Variants in LAX1 observed in about 807,000 individuals in gnomAD.
LAX1 encodes lymphocyte transmembrane adapter 1.
LAX1 carries 17 observed loss-of-function variants against 20.7 expected under a neutral mutation model. The observed-to-expected ratio is 0.82, with a 90% CI of 0.56 to 1.23. The LOEUF is 1.23. Ranked by LOEUF, LAX1 falls within the 50% of genes most tolerant of loss-of-function variation. The probability of loss-of-function intolerance (pLI) is 0.00; values close to 1 mark genes in which losing one functional copy is unlikely to be tolerated. For missense variants in LAX1, 470 were observed against 487.0 expected (o/e 0.97, Z 0.33); for synonymous variants, 165 against 181.0 (o/e 0.91, Z 0.71).
intron 1 of LAX1, chr1:203,769,773 C>CGGGGGGGGGGGGGGG (rs1311215813): frequency 8.2e-5 from 2 of 24,318 alleles, no homozygotes; most frequent in Non-Finnish European, 1.3e-4. Flanking sequence ...CAAATTGGTG[C>CGGGGGGGGGGGGGGG]GGGGGGGGGG....
chr1:203,765,643 C>T lies in LAX1; in HGVS notation c.78C>T (p.Arg26=), dbSNP rs1314210015. The T allele has an allele frequency of 8.1e-6, 13 of 1,614,080 alleles. No homozygotes were observed. Among genetic ancestry groups the T allele is most frequent in the South Asian group, 1.1e-5 (1 of 91,038 alleles). ...CCAGCACTCTGCATGTGACTCCCCG[C>T]AGCCTGGACAGGTGAGTGACTCAGG... is the stretch of plus-strand genomic sequence containing the variant. ...LESSTLHVTP[R]SLDRNKDQIT... Residue 26 remains arginine (R), a synonymous_variant, in exon 1 of 5, where the codon CGC becomes CGT. Coordinates refer to ENST00000442561, the MANE Select transcript of LAX1 (RefSeq NM_017773.4).
In LAX1 at chr1:203,774,185, G is replaced by A; in HGVS notation, c.701G>A (p.Gly234Asp). ...KLEFTEERDE[G>D]CGDAGDCTSL... ...GAGTTTACTGAGGAAAGAGATGAGG[G>A]CTGTGGAGATGCTGGTGACTGCACC... Residue 234 changes from glycine (G) to aspartate (D), a missense_variant, in exon 5 of 5, where the codon GGC becomes GAC. Physicochemically the swap from Gly to Asp is moderately conservative, Grantham distance 94 (BLOSUM62 -1). Coordinates refer to ENST00000442561, the MANE Select transcript of LAX1 (RefSeq NM_017773.4). The A allele has an allele frequency of 6.2e-7, 1 of 1,614,198 alleles. No homozygotes were observed. Among genetic ancestry groups the A allele is most frequent in the Non-Finnish European group, 8.5e-7 (1 of 1,180,044 alleles).
At chr1:203,773,811 G>T in intron 4 of LAX1, 64 bp from the exon 5 acceptor site, 4 of 235,340 alleles carry the variant, frequency 1.7e-5, no homozygotes, top group East Asian at 1.2e-4. Flanking sequence ...TATTTTCCAA[G>T]AAGAAAGGCT....
intron 1 of LAX1, among the ~76,000 whole-genome samples, chr1:203,768,275 C>T (rs942561293): frequency 1.1e-4 from 16 of 152,156 alleles, no homozygotes; most frequent in Admixed American, 5.9e-4. Context: ...CATGCCATTG[C>T]GCTCCAGCCT....
chr1:203,769,991 G>C (rs549248701), intron 1 of LAX1, among the ~76,000 whole-genome samples: 1 of 152,154 alleles, frequency 6.6e-6, no homozygotes, highest in African/African-American at 2.4e-5. Context: ...GTCTTTGGAC[G>C]CAAACAGACC....
At chr1:203,766,261 C>T (rs1667302824) in intron 1 of LAX1, among the ~76,000 whole-genome samples, 1 of 152,098 alleles carries the variant, frequency 6.6e-6, no homozygotes, top group Admixed American at 6.6e-5. Flanking sequence ...CGGATCACCC[C>T]CACTCTTGAA....
At chr1:203,771,640 AG>A (rs1437377710) in intron 3 of LAX1, among the ~76,000 whole-genome samples, 163 bp downstream of exon 3, 1 of 152,148 alleles carries the variant, frequency 6.6e-6, no homozygotes. Context: ...CTGCAACTCC[AG>A]GGGGGTCTGG....
intron 3 of LAX1, among the ~76,000 whole-genome samples, chr1:203,771,825 G>A (rs1409774894): frequency 6.6e-6 from 1 of 152,164 alleles, no homozygotes; most frequent in East Asian, 1.9e-4. Context: ...TCTCACACAG[G>A]AGCTTGTTTC....
chr1:203,770,494 GAAGGAAGGAAGGAAGGAAGA>G (rs1205703755), intron 1 of LAX1, among the ~76,000 whole-genome samples: 31 of 40,506 alleles, frequency 7.7e-4, no homozygotes, highest in African/African-American at 1.6e-3. Context: ...AGGAAGGAAG[GAAGGAAGGAAGGAAGGAAGA>G]AAGAAAGAAA....
At position 203,774,498 on chromosome 1, in the gene LAX1, A is replaced by G; in HGVS notation, c.1014A>G (p.Thr338=). 1.2e-6 allele frequency: 2 copies of G among 1,614,242 alleles called. No homozygotes were observed. The highest frequency in any genetic ancestry group is 1.1e-5 in the South Asian group (1 of 91,086). The change falls in exon 5 of 5, where the codon ACA becomes ACG. Residue 338 remains threonine (T), a synonymous_variant. Coordinates refer to ENST00000442561, the MANE Select transcript of LAX1 (RefSeq NM_017773.4). ...CCCATGTCCAATGTGTCAAAAGGAC[A>G]TTCCTTGCTTCAGGGGATTATGCAG... is the stretch of plus-strand genomic sequence containing the variant. The part of the protein sequence containing the change: ...PGTHVQCVKR[T]FLASGDYADF...
chr1:203,769,440 AGAAG>A (rs763511407), intron 1 of LAX1, among the ~76,000 whole-genome samples: 11,862 of 100,126 alleles, frequency 0.12, 878 homozygotes, highest in East Asian at 0.2. Flanking sequence ...AAAGAAAGAA[AGAAG>A]GAAAGAAAGA....
Position 203,770,937 on chromosome 1 carries a change from C to T in LAX1, c.199C>T (p.Arg67Ter), listed in dbSNP as rs778198640. 1.1e-5 allele frequency: 17 copies of T among 1,605,306 alleles called. No individual in the cohort carries two copies. The East Asian group carries it at 2.2e-4, about 21-fold the overall frequency. Reference protein sequence around the residue: ...ILWNWNKRKKRQVPYLRVTVM... With the variant: ...ILWNWNKRKK Reference sequence around the variant, plus strand: ...GTGGAATTGGAATAAACGGAAGAAGCGTGAGTCCCTTGTTTGTCCTGAGTT... The same window carrying T: ...GTGGAATTGGAATAAACGGAAGAAGTGTGAGTCCCTTGTTTGTCCTGAGTT... The change falls in exon 2 of 5, where the codon CGA becomes TGA. Residue 67 changes from arginine to a stop codon, truncating the protein, a stop_gained and splice_region_variant. Coordinates refer to ENST00000442561, the MANE Select transcript of LAX1 (RefSeq NM_017773.4). LOFTEE classifies it high-confidence loss of function.
rs768552514 is a variant in LAX1 at position 203,771,325 on chromosome 1, C to T, written c.200-42C>T. On this transcript the variant is annotated intron_variant, in intron 2 of 4. Coordinates refer to ENST00000442561, the MANE Select transcript of LAX1 (RefSeq NM_017773.4). ...CCATGAGTCTCTTCACTCTGTGCAG[C>T]TGACCCCCGCCATGACTCCCATCTC... is the stretch of plus-strand genomic sequence containing the variant. 2.5e-6 allele frequency: 3 copies of T among 1,209,578 alleles called. No individual in the cohort carries two copies. The Admixed American group carries it at 5.0e-5, about 20-fold the overall frequency. 74.9% of individuals were successfully genotyped at this position (1,209,578 alleles called of 1,614,324 possible). A position where few individuals can be genotyped will look rare whatever the true frequency, so the allele number is the denominator to read the frequency against.
Position 203,765,268 on chromosome 1 carries a change from C to T in LAX1, c.-298C>T, listed in dbSNP as rs1010105271. 28 of 1,378,566 alleles carry T rather than the reference C, an allele frequency of 2.0e-5. No individual in the cohort carries two copies. The highest frequency in any genetic ancestry group is 7.5e-5 in the East Asian group (3 of 40,108). 85.4% of individuals were successfully genotyped at this position (1,378,566 alleles called of 1,614,324 possible). A position where few individuals can be genotyped will look rare whatever the true frequency, so the allele number is the denominator to read the frequency against. ...GCAGTTTCCCCCTCTGTGCCCCTCA[C>T]GTTTCCACCAGAAACGTGAAGGCAG... On this transcript the variant is annotated 5_prime_UTR_variant, in exon 1 of 5. The change creates a new upstream start codon in the 5' untranslated region. Coordinates refer to ENST00000442561, the MANE Select transcript of LAX1 (RefSeq NM_017773.4).
At chr1:203,765,758 AC>A in intron 1 of LAX1, 104 bp downstream of exon 1, 3 of 1,065,312 alleles carry the variant, frequency 2.8e-6, no homozygotes, top group Non-Finnish European at 4.2e-6. Flanking sequence ...ACCTCTCAAC[AC>A]CCAGGCTCGG....
Position 203,770,474 on chromosome 1 carries a change from G to GAAGA in LAX1, c.90-351_90-350insAAAG, listed in dbSNP as rs1667392226. The stretch of plus-strand genomic sequence containing the variant: ...GAGAGAAAGGAAGGAAGGAAGGAAG[G>GAAGA]AAGGAAGGAAGGAAGGAAGGAAGGA... On this transcript the variant is annotated intron_variant, in intron 1 of 4. Transcript: ENST00000442561. 8.3e-5 allele frequency among the ~76,000 whole-genome samples: 2 copies of GAAGA among 24,180 alleles called. 1 individual carries two copies. Among genetic ancestry groups the GAAGA allele is most frequent in the Non-Finnish European group, 2.0e-4 (2 of 9,874 alleles). The allele number at this position is 24,180 out of a possible 152,430, so 15.9% of individuals were successfully genotyped here.
rs759242546 is a variant in LAX1 at position 203,769,454 on chromosome 1, A to AAAGAAAGAAAGAAAGAAAGG, written c.90-1372_90-1371insGAAAGAAAGAAAGAAAGGAA. Among the ~76,000 whole-genome samples the AAAGAAAGAAAGAAAGAAAGG allele has an allele frequency of 1.4e-4, 15 of 106,410 alleles. 1 individual carries two copies. Among genetic ancestry groups the AAAGAAAGAAAGAAAGAAAGG allele is most frequent in the African/African-American group, 4.8e-4 (15 of 31,072 alleles). 69.8% of individuals were successfully genotyped at this position (106,410 alleles called of 152,430 possible). A position where few individuals can be genotyped will look rare whatever the true frequency, so the allele number is the denominator to read the frequency against. On this transcript the variant is annotated intron_variant, in intron 1 of 4. Coordinates refer to ENST00000442561, the MANE Select transcript of LAX1 (RefSeq NM_017773.4). ...GAAAGAAAGAAAGAAGGAAAGAAAG[A>AAAGAAAGAAAGAAAGAAAGG]AAAGAAAAGAAAGAAAGTTGTATAA...
At chr1:203,768,594 A>G (rs1295531926) in intron 1 of LAX1, among the ~76,000 whole-genome samples, 2 of 152,194 alleles carry the variant, frequency 1.3e-5, no homozygotes, top group African/African-American at 2.4e-5. Flanking sequence ...ATAAGGTCAG[A>G]GGTAAGCAGA....
chr1:203,765,724 A>T, intron 1 of LAX1, 70 bp downstream of exon 1: 1 of 1,425,724 alleles, frequency 7.0e-7, no homozygotes, highest in Non-Finnish European at 9.8e-7. Flanking sequence ...CACCCTTAGG[A>T]GCTTCTTACA....
Sources: gnomAD v4.1 joint callset for allele counts (sites outside exome capture counted in the v4.1 genomes callset) on GRCh38, gnomAD v4.1.1 for gene constraint, MANE v1.5 for transcripts, NCBI Gene and HGNC (gene_info 2026-07-23, HGNC 2026-07-21) for gene names.